EFL1: variants seen among roughly 807,000 people sequenced by gnomAD.
EFL1 encodes elongation factor like GTPase 1.
In EFL1, 76 loss-of-function variants were observed where a neutral mutation model predicts 126.7. The observed-to-expected ratio is 0.60, with a 90% confidence interval of 0.50 to 0.73. The LOEUF (loss-of-function observed/expected upper bound fraction) is 0.73, where lower values mean the gene tolerates loss of function less well. Among genes scored for constraint, EFL1 ranks in the 30% least tolerant of loss-of-function variants. The pLI is 0.00. For missense variants in EFL1, 1,128 were observed against 1,343.2 expected, an observed-to-expected ratio of 0.84 and a Z score of 2.50; for synonymous variants, 410 against 448.4, an observed-to-expected ratio of 0.91 and a Z score of 1.08.
intron 15 of EFL1, among the ~76,000 whole-genome samples, chr15:82,180,383 AC>A (rs57166161): frequency 0.14 from 17,972 of 127,282 alleles, 2,371 homozygotes; most frequent in African/African-American, 0.4. Flanking sequence ...CAAAAAAAAA[AC>A]AAACAAAAAA....
chr15:82,167,783 T>C (rs754027935), intron 15 of EFL1, among the ~76,000 whole-genome samples: 36 of 152,334 alleles, frequency 2.4e-4, no homozygotes, highest in Non-Finnish European at 4.9e-4. Context: ...TCTTTCATTG[T>C]ACTGTTACAA....
chr15:82,228,983 G>A, intron 9 of EFL1, 51 bp downstream of exon 9: 1 of 1,470,726 alleles, frequency 6.8e-7, no homozygotes, highest in Non-Finnish European at 9.3e-7. Flanking sequence ...TGGAAAGTGA[G>A]ACAAATTATA....
At chr15:82,145,705 G>T (rs2141221243) in intron 18 of EFL1, among the ~76,000 whole-genome samples, 2 of 151,726 alleles carry the variant, frequency 1.3e-5, no homozygotes, top group Admixed American at 1.3e-4. Context: ...GTGGTGGCGG[G>T]TTCCTGTAAT....
chr15:82,155,774 G>A (rs2073961114), intron 17 of EFL1, among the ~76,000 whole-genome samples: 1 of 152,194 alleles, frequency 6.6e-6, no homozygotes, highest in Non-Finnish European at 1.5e-5. Flanking sequence ...AACCACTCTA[G>A]TGGGTATGCA....
intron 19 of EFL1, among the ~76,000 whole-genome samples, chr15:82,133,095 T>G (rs1366235547): frequency 6.6e-6 from 1 of 152,126 alleles, no homozygotes; most frequent in South Asian, 2.1e-4. Flanking sequence ...TGAGGGAGCC[T>G]GTGGTGATGG....
At position 82,141,902 on chromosome 15, in the gene EFL1, T is replaced by C. The variant is rs147232090; in HGVS notation, c.2990-3060A>G. Among the ~76,000 whole-genome samples the C allele has an allele frequency of 2.6e-5, 4 of 152,292 alleles. No homozygotes were observed. In the East Asian group the frequency reaches 7.7e-4, roughly 29 times the overall value. On this transcript the variant is annotated intron_variant, in intron 18 of 19. Transcript: ENST00000268206. ...ATTGAAACTGAATATAGTTAACATGTAATTTTGATCCATTCAATTTTAATT... is the reference window on the plus strand; with the variant it reads ...ATTGAAACTGAATATAGTTAACATGCAATTTTGATCCATTCAATTTTAATT...
chr15:82,188,215 G>A (rs774138138), intron 15 of EFL1, among the ~76,000 whole-genome samples: 32 of 152,148 alleles, frequency 2.1e-4, no homozygotes, highest in Middle Eastern at 3.4e-3. Context: ...CATGGTTCCT[G>A]CAAACAGCAT....
intron 17 of EFL1, among the ~76,000 whole-genome samples, chr15:82,155,305 C>G (rs775231974): frequency 1.3e-5 from 2 of 152,018 alleles, no homozygotes; most frequent in Non-Finnish European, 2.9e-5. Flanking sequence ...AGTTTGAGAA[C>G]AGCCTGGCCA....
chr15:82,240,390 A>T, intron 6 of EFL1, 28 bp downstream of exon 6: 1 of 1,544,874 alleles, frequency 6.5e-7, no homozygotes, highest in South Asian at 1.2e-5. Context: ...TCGTGGCTAA[A>T]TTTTTTAAAT....
chr15:82,209,244 G>T (rs539905290), intron 15 of EFL1, among the ~76,000 whole-genome samples: 48 of 151,672 alleles, frequency 3.2e-4, no homozygotes, highest in African/African-American at 1.1e-3. Flanking sequence ...AATCAAATTT[G>T]CTAGTAAAAC....
chr15:82,138,425 A>AGAGAGTATATGT (rs751682963), intron 19 of EFL1, among the ~76,000 whole-genome samples: 2 of 46,180 alleles, frequency 4.3e-5, no homozygotes, highest in East Asian at 1.7e-3. Flanking sequence ...AGAGAGAGAG[A>AGAGAGTATATGT]GTGTATGTGT....
intron 19 of EFL1, among the ~76,000 whole-genome samples, chr15:82,138,430 ATGTGT>A (rs2073747389): frequency 2.7e-5 from 4 of 146,012 alleles, no homozygotes; most frequent in Admixed American, 6.9e-5. Context: ...GAGAGAGTGT[ATGTGT>A]GTGTGTGTGT....
At chr15:82,143,678 G>C (rs182776249) in intron 18 of EFL1, among the ~76,000 whole-genome samples, 53 of 152,288 alleles carry the variant, frequency 3.5e-4, no homozygotes, top group Non-Finnish European at 6.6e-4. Flanking sequence ...TCAGCTACAA[G>C]TTTATAGATA....
chr15:82,176,318 A>G (rs1432508005), intron 15 of EFL1, among the ~76,000 whole-genome samples: 6 of 152,342 alleles, frequency 3.9e-5, no homozygotes, highest in African/African-American at 1.4e-4. Context: ...CGTTAGTCGT[A>G]AAAGAAAAAA....
At chr15:82,232,701 A>C (rs554096254) in intron 7 of EFL1, among the ~76,000 whole-genome samples, 5 of 152,272 alleles carry the variant, frequency 3.3e-5, no homozygotes, top group South Asian at 2.1e-4. Context: ...ATCTGAGCTA[A>C]AGCTTTGGTA....
rs2073778756 is a variant in EFL1 at position 82,140,828 on chromosome 15, G to A, written c.2990-1986C>T. Among the ~76,000 whole-genome samples, 4 of 152,186 alleles carry A rather than the reference G, an allele frequency of 2.6e-5. No individual in the cohort carries two copies. In the South Asian group the frequency reaches 8.3e-4, roughly 32 times the overall value. Reference sequence around the variant, plus strand: ...GAATCACACAACAGTGGGGTAAAAGGAAACTTGAGGGTCAAGAAGTTCTAC... The same window carrying A: ...GAATCACACAACAGTGGGGTAAAAGAAAACTTGAGGGTCAAGAAGTTCTAC... On this transcript the variant is annotated intron_variant, in intron 18 of 19. Coordinates refer to ENST00000268206, the MANE Select transcript of EFL1 (RefSeq NM_024580.6).
At chr15:82,253,476 A>C (rs1429046054) in intron 3 of EFL1, among the ~76,000 whole-genome samples, 2 of 152,106 alleles carry the variant, frequency 1.3e-5, no homozygotes, top group Non-Finnish European at 2.9e-5. Flanking sequence ...CCCTCCCCAG[A>C]GTGTTGCTCA....
Position 82,167,839 on chromosome 15 carries a change from C to T in EFL1, c.1751-3855G>A, listed in dbSNP as rs116532944. Among the ~76,000 whole-genome samples, 1,233 of 152,248 alleles carry T rather than the reference C, an allele frequency of 8.1e-3. 14 individuals are homozygous for T. Among genetic ancestry groups the T allele is most frequent in the African/African-American group, 0.028 (1,153 of 41,546 alleles). ...AATTTTAAAAATTTGTGGGAAAAAACGTTAGAATATGGTCTCTTAATCACC... is the reference window on the plus strand; with the variant it reads ...AATTTTAAAAATTTGTGGGAAAAAATGTTAGAATATGGTCTCTTAATCACC... On this transcript the variant is annotated intron_variant, in intron 15 of 19. Coordinates refer to ENST00000268206, the MANE Select transcript of EFL1 (RefSeq NM_024580.6).
At chr15:82,228,055 T>C (rs2074782649) in intron 10 of EFL1, 136 bp downstream of exon 10, 1 of 1,106,996 alleles carries the variant, frequency 9.0e-7, no homozygotes, top group African/African-American at 1.6e-5. Flanking sequence ...AGTTTCATGG[T>C]AGAACACTAA....
Sources: gnomAD v4.1 joint callset for allele counts (sites outside exome capture counted in the v4.1 genomes callset) on GRCh38, gnomAD v4.1.1 for gene constraint, MANE v1.5 for transcripts, NCBI Gene and HGNC (gene_info 2026-07-23, HGNC 2026-07-21) for gene names.